MINDY3: variants seen among roughly 807,000 people sequenced by gnomAD.
The protein encoded by MINDY3 is MINDY lysine 48 deubiquitinase 3, also known as ubiquitin carboxyl-terminal hydrolase MINDY-3.
In MINDY3, 38 loss-of-function variants were observed where a neutral mutation model predicts 69.2. That is an observed-to-expected ratio of 0.55 (90% confidence interval 0.42 to 0.72). The LOEUF is 0.72. Among genes scored for constraint, MINDY3 ranks in the 30% least tolerant of loss-of-function variants. The probability of loss-of-function intolerance (pLI) is 0.00; values close to 1 mark genes in which losing one functional copy is unlikely to be tolerated. For missense variants in MINDY3, 522 were observed against 519.0 expected (o/e 1.01, Z -0.06); for synonymous variants, 192 against 180.1 (o/e 1.07, Z -0.53).
At chr10:15,822,848 TAA>T (rs1333897916) in intron 8 of MINDY3, among the ~76,000 whole-genome samples, 2 of 152,228 alleles carry the variant, frequency 1.3e-5, no homozygotes, top group African/African-American at 4.8e-5. Flanking sequence ...GTGATAATAA[TAA>T]AGTCTTTTCA....
At chr10:15,798,052 T>A (rs892359101) in intron 10 of MINDY3, among the ~76,000 whole-genome samples, 2 of 152,182 alleles carry the variant, frequency 1.3e-5, no homozygotes, top group Non-Finnish European at 2.9e-5. Flanking sequence ...AAAATCAGGA[T>A]ACAGTTATTC....
intron 8 of MINDY3, among the ~76,000 whole-genome samples, chr10:15,826,741 A>C (rs1840109139): frequency 6.6e-6 from 1 of 152,232 alleles, no homozygotes; most frequent in African/African-American, 2.4e-5. Flanking sequence ...AATAGAATAA[A>C]AACATGTAAA....
chr10:15,781,006 T>C (rs939854496), intron 14 of MINDY3, among the ~76,000 whole-genome samples: 16 of 152,158 alleles, frequency 1.1e-4, no homozygotes, highest in African/African-American at 3.9e-4. Flanking sequence ...CTTGCAGGGA[T>C]TGTGTAGGTG....
intron 8 of MINDY3, among the ~76,000 whole-genome samples, chr10:15,822,436 T>C (rs1217473931): frequency 6.6e-6 from 1 of 152,154 alleles, no homozygotes; most frequent in Non-Finnish European, 1.5e-5. Flanking sequence ...CGTATTACAG[T>C]TCTCCAGGCC....
intron 9 of MINDY3, among the ~76,000 whole-genome samples, chr10:15,821,083 A>C (rs1017776544): frequency 4.1e-4 from 62 of 152,210 alleles, no homozygotes; most frequent in African/African-American, 1.4e-3. Context: ...AGGTTGTTTC[A>C]GATTGTGTAG....
chr10:15,800,084 A>C (rs1403792617), intron 10 of MINDY3, among the ~76,000 whole-genome samples: 1 of 152,120 alleles, frequency 6.6e-6, no homozygotes, highest in Non-Finnish European at 1.5e-5. Context: ...ATATATTGGA[A>C]ATTTTTCTTG....
At chr10:15,804,676 G>A (rs1380936597) in intron 10 of MINDY3, among the ~76,000 whole-genome samples, 3 of 152,006 alleles carry the variant, frequency 2.0e-5, no homozygotes, top group Non-Finnish European at 4.4e-5. Context: ...TTACCTTTAA[G>A]CAAAATTTTA....
intron 14 of MINDY3, among the ~76,000 whole-genome samples, chr10:15,779,435 C>T (rs1167411347): frequency 2.0e-5 from 3 of 152,046 alleles, no homozygotes; most frequent in Admixed American, 6.6e-5. Context: ...CATTCTTCAA[C>T]GGATCTATAC....
intron 14 of MINDY3, among the ~76,000 whole-genome samples, chr10:15,781,401 T>TTATA (rs372810709): frequency 7.1e-4 from 104 of 145,754 alleles, no homozygotes; most frequent in African/African-American, 2.2e-3. Flanking sequence ...TACATATATA[T>TTATA]TATATATATA....
At chr10:15,848,167 C>G (rs1026272022) in intron 1 of MINDY3, among the ~76,000 whole-genome samples, 1 of 152,106 alleles carries the variant, frequency 6.6e-6, no homozygotes, top group African/African-American at 2.4e-5. Flanking sequence ...CAATTTTGCA[C>G]CCAGGAACTC....
chr10:15,808,548 T>C (rs1044520731), intron 10 of MINDY3, among the ~76,000 whole-genome samples: 11 of 152,190 alleles, frequency 7.2e-5, no homozygotes, highest in African/African-American at 2.7e-4. Context: ...GCTTGTGCTG[T>C]AGAAATAATT....
At chr10:15,859,316 T>G (rs1834918150) in intron 1 of MINDY3, among the ~76,000 whole-genome samples, 1 of 152,164 alleles carries the variant, frequency 6.6e-6, no homozygotes, top group African/African-American at 2.4e-5. Flanking sequence ...AATAGATGTT[T>G]TAATAATAAT....
intron 9 of MINDY3, among the ~76,000 whole-genome samples, chr10:15,819,698 A>G (rs1361795716): frequency 6.6e-6 from 1 of 152,092 alleles, no homozygotes; most frequent in Admixed American, 6.5e-5. Context: ...TCCCTCCCTC[A>G]TTTGCAGTTG....
At position 15,846,279 on chromosome 10, in the gene MINDY3, C is replaced by T. The variant is rs868145059; in HGVS notation, c.174+1585G>A. Among the ~76,000 whole-genome samples, 5 of 152,298 alleles carry T rather than the reference C, an allele frequency of 3.3e-5. No homozygotes were observed. The East Asian group carries it at 9.6e-4, about 29-fold the overall frequency. On this transcript the variant is annotated intron_variant, in intron 2 of 14. Transcript: ENST00000277632. ...ACAGGAAACTCCTGTGGTATACCCT[C>T]CATTTAACTATATTCATGCACTTGC...
intron 10 of MINDY3, among the ~76,000 whole-genome samples, chr10:15,798,089 C>G (rs1837970778): frequency 6.6e-6 from 1 of 152,138 alleles, no homozygotes; most frequent in African/African-American, 2.4e-5. Flanking sequence ...GTTACATTCT[C>G]AACCTTTTTT....
At position 15,778,565 on chromosome 10, in the gene MINDY3, T is replaced by C. The variant is rs1836277699; in HGVS notation, c.*427A>G. 1 of 153,058 alleles carries C rather than the reference T, an allele frequency of 6.5e-6. No homozygotes were observed. The highest frequency in any genetic ancestry group is 1.5e-5 in the Non-Finnish European group (1 of 68,636). The allele number at this position is 153,058 out of a possible 1,614,324, so 9.5% of individuals were successfully genotyped here. A position where few individuals can be genotyped will look rare whatever the true frequency, so the allele number is the denominator to read the frequency against. ...TCTTAGAAAAATGAACTCTTCTGCA[T>C]TTCATTGTAGAGGCTGATATATTAC... On this transcript the variant is annotated 3_prime_UTR_variant, in exon 15 of 15. Transcript: ENST00000277632.
chr10:15,789,069 G>C (rs1837210042), intron 12 of MINDY3, 178 bp downstream of exon 12: 2 of 426,382 alleles, frequency 4.7e-6, no homozygotes, highest in Non-Finnish European at 8.4e-6. Context: ...CTCAATTTAA[G>C]TATGTCAAGT....
At chr10:15,831,909 C>T (rs1840493064) in intron 8 of MINDY3, among the ~76,000 whole-genome samples, 1 of 152,128 alleles carries the variant, frequency 6.6e-6, no homozygotes, top group African/African-American at 2.4e-5. Flanking sequence ...CTCCTCACCT[C>T]AGGTGATCCA....
intron 8 of MINDY3, among the ~76,000 whole-genome samples, chr10:15,823,263 A>G (rs184837571): frequency 1.3e-5 from 2 of 152,278 alleles, no homozygotes; most frequent in African/African-American, 2.4e-5. Context: ...TGGTTCTTCA[A>G]TTGTGGTTTA....
Sources: gnomAD v4.1 joint callset for allele counts (sites outside exome capture counted in the v4.1 genomes callset) on GRCh38, gnomAD v4.1.1 for gene constraint, MANE v1.5 for transcripts, NCBI Gene and HGNC (gene_info 2026-07-23, HGNC 2026-07-21) for gene names.